The following FCHSD2 variants were observed in gnomAD, a reference collection of about 807,000 sequenced individuals.
FCHSD2 encodes the protein FCH and double SH3 domains 2, also known as F-BAR and double SH3 domains protein 2.
FCHSD2 carries 38 observed loss-of-function variants against 108.1 expected under a neutral mutation model. The observed-to-expected ratio is 0.35, with a 90% CI of 0.27 to 0.46. The LOEUF (loss-of-function observed/expected upper bound fraction) is 0.46. Ranked by LOEUF, FCHSD2 falls within the 20% of genes least tolerant of loss-of-function variation. The pLI is 1.00. For synonymous variants in FCHSD2, 279 were observed against 314.7 expected, an observed-to-expected ratio of 0.89 and a Z score of 1.20; for missense variants, 751 against 897.8, an observed-to-expected ratio of 0.84 and a Z score of 2.09.
chr11:73,093,811 G>C (rs1860012889), intron 2 of FCHSD2, among the ~76,000 whole-genome samples: 1 of 152,050 alleles, frequency 6.6e-6, no homozygotes, highest in Admixed American at 6.6e-5. Flanking sequence ...TTCCACGTTG[G>C]TCAGGCTGAT....
intron 8 of FCHSD2, among the ~76,000 whole-genome samples, chr11:72,979,647 G>A (rs1202637772): frequency 6.6e-6 from 1 of 152,106 alleles, no homozygotes. Flanking sequence ...CCAAGTACAA[G>A]CAAATAATAT....
At chr11:73,019,939 C>A (rs1001762765) in intron 3 of FCHSD2, among the ~76,000 whole-genome samples, 56 of 152,062 alleles carry the variant, frequency 3.7e-4, no homozygotes, top group African/African-American at 1.3e-3. Context: ...TTTTTCAAAT[C>A]ATTCTCCAAG....
At chr11:72,934,984 C>T (rs1856271810) in intron 8 of FCHSD2, among the ~76,000 whole-genome samples, 1 of 152,000 alleles carries the variant, frequency 6.6e-6, no homozygotes, top group Admixed American at 6.6e-5. Context: ...GCTATTAGGC[C>T]ACACACTCCC....
chr11:73,135,228 A>C (rs1388000070), intron 2 of FCHSD2, among the ~76,000 whole-genome samples: 4 of 152,202 alleles, frequency 2.6e-5, no homozygotes, highest in Non-Finnish European at 5.9e-5. Flanking sequence ...TCCTTGGTTA[A>C]AAGCTTGGGA....
intron 14 of FCHSD2, among the ~76,000 whole-genome samples, chr11:72,846,483 AT>A (rs1861147521): frequency 6.6e-6 from 1 of 151,916 alleles, no homozygotes; most frequent in African/African-American, 2.4e-5. Context: ...CCCAGCCCCC[AT>A]TTTGTTCTTA....
At chr11:73,089,108 T>A (rs1027690673) in intron 2 of FCHSD2, among the ~76,000 whole-genome samples, 2 of 152,338 alleles carry the variant, frequency 1.3e-5, no homozygotes, top group Admixed American at 6.5e-5. Context: ...AAAATTCACA[T>A]AATAAATATT....
chr11:72,869,794 A>T (rs899767370), intron 12 of FCHSD2: 6 of 152,176 alleles, frequency 3.9e-5, no homozygotes, highest in African/African-American at 1.4e-4. Flanking sequence ...CAGCATTTTC[A>T]GTAGCCTTCT....
At chr11:73,007,676 TAAC>T (rs749796998) in intron 4 of FCHSD2, among the ~76,000 whole-genome samples, 5 of 152,106 alleles carry the variant, frequency 3.3e-5, no homozygotes, top group Non-Finnish European at 7.4e-5. Flanking sequence ...AAGAAATTCT[TAAC>T]AAGATCTTAA....
chr11:72,900,090 A>C (rs1200881791), intron 10 of FCHSD2, among the ~76,000 whole-genome samples: 1 of 152,188 alleles, frequency 6.6e-6, no homozygotes, highest in African/African-American at 2.4e-5. Flanking sequence ...TCTTCACTAT[A>C]AACAGGGAAG....
chr11:73,019,166 C>T (rs1858041646), intron 3 of FCHSD2, among the ~76,000 whole-genome samples: 1 of 152,130 alleles, frequency 6.6e-6, no homozygotes, highest in Admixed American at 6.5e-5. Flanking sequence ...GAACACATCA[C>T]ACAGAACATA....
intron 4 of FCHSD2, among the ~76,000 whole-genome samples, chr11:73,013,932 T>C (rs1323318939): frequency 6.6e-6 from 1 of 151,992 alleles, no homozygotes; most frequent in Non-Finnish European, 1.5e-5. Flanking sequence ...ATAAGTTGGA[T>C]CCTTCTTTAC....
At chr11:72,896,031 AT>A (rs1855410977) in intron 10 of FCHSD2, among the ~76,000 whole-genome samples, 2 of 152,062 alleles carry the variant, frequency 1.3e-5, no homozygotes, top group African/African-American at 2.4e-5. Context: ...TTTGCCAAAT[AT>A]TTTTTTAATA....
intron 1 of FCHSD2, 81 bp downstream of exon 1, chr11:73,141,776 G>A: frequency 1.4e-6 from 2 of 1,432,984 alleles, no homozygotes; most frequent in East Asian, 2.7e-5. Flanking sequence ...TGCGGGAGGG[G>A]GAAGGGGCGC....
At chr11:73,041,907 T>C (rs116322355) in intron 3 of FCHSD2, among the ~76,000 whole-genome samples, 7 of 152,248 alleles carry the variant, frequency 4.6e-5, no homozygotes, top group Admixed American at 1.3e-4. Context: ...GGTTTAAGTC[T>C]AATCCACTTT....
At chr11:72,881,688 C>T (rs181228674) in intron 12 of FCHSD2, among the ~76,000 whole-genome samples, 4 of 152,252 alleles carry the variant, frequency 2.6e-5, no homozygotes, top group African/African-American at 7.2e-5. Flanking sequence ...CAATGGAATA[C>T]TATTCAGTCA....
rs760970365 is a variant in FCHSD2, at chr11:72,841,509, G to A, written c.2001C>T (p.Tyr667=). 1 of 1,611,408 alleles carries A rather than the reference G, an allele frequency of 6.2e-7. No homozygotes were observed. Among genetic ancestry groups the A allele is most frequent in the South Asian group, 1.1e-5 (1 of 90,408 alleles). The change falls in exon 18 of 20, where the codon TAC becomes TAT. Residue 667 remains tyrosine, a synonymous_variant. Transcript: ENST00000409418. ...PLYDQPPSSP[Y]PSPDKRSSLY... ...GGGAGCTCCTCTTATCTGGGCTGGG[G>A]TAGGGGCTGCTGGGAGGCTGGTCGT...
At position 72,921,915 on chromosome 11, in the gene FCHSD2, A is replaced by G. The variant is rs1282044057; in HGVS notation, c.741T>C (p.Asp247=). ...CAGTCCGGCTGAAGGCTATTAAATA[A>G]TCCTTGAGATGATCATACACATTTC... ...LDGNVYDHLK[D]YLIAFSRTEL... is the part of the protein sequence containing the mutation. The change falls in exon 9 of 20, where the codon GAT becomes GAC. Residue 247 remains aspartate, a synonymous_variant. Transcript: ENST00000409418. The G allele has an allele frequency of 2.0e-5, 32 of 1,599,188 alleles. No homozygotes were observed. Among genetic ancestry groups the G allele is most frequent in the Non-Finnish European group, 2.7e-5 (32 of 1,171,500 alleles).
chr11:72,949,736 A>G (rs1856588242), intron 8 of FCHSD2, among the ~76,000 whole-genome samples: 1 of 152,220 alleles, frequency 6.6e-6, no homozygotes, highest in South Asian at 2.1e-4. Context: ...ATAATATTCC[A>G]CTGTATGGGT....
intron 12 of FCHSD2, among the ~76,000 whole-genome samples, chr11:72,873,817 G>A (rs1328042177): frequency 6.6e-6 from 1 of 152,142 alleles, no homozygotes; most frequent in African/African-American, 2.4e-5. Context: ...AGCATCCCGG[G>A]TTCCTACGTA....
Sources: gnomAD v4.1 joint callset for allele counts (sites outside exome capture counted in the v4.1 genomes callset) on GRCh38, gnomAD v4.1.1 for gene constraint, MANE v1.5 for transcripts, NCBI Gene and HGNC (gene_info 2026-07-23, HGNC 2026-07-21) for gene names.